Variants in MAGI2 observed in about 807,000 individuals in gnomAD.
MAGI2 encodes the protein membrane-associated guanylate kinase, WW and PDZ domain-containing protein 2.
Under a neutral mutation model 133.3 loss-of-function variants are expected in MAGI2, and 35 were observed. That is an observed-to-expected ratio of 0.26 (90% CI 0.20 to 0.35). MAGI2 has a LOEUF of 0.35. MAGI2 is among the 10% of genes least tolerant of loss of function. The probability of loss-of-function intolerance (pLI) is 1.00; values close to 1 mark genes in which losing one functional copy is unlikely to be tolerated. For synonymous variants in MAGI2, 729 were observed against 710.6 expected, an observed-to-expected ratio of 1.03 and a Z score of -0.41; for missense variants, 1,636 against 1,863.4, an observed-to-expected ratio of 0.88 and a Z score of 2.25.
At chr7:78,639,012 G>T (rs1181440044) in intron 2 of MAGI2, among the ~76,000 whole-genome samples, 2 of 151,972 alleles carry the variant, frequency 1.3e-5, no homozygotes. Context: ...AATTAATCTG[G>T]GCCAGAACTA....
intron 1 of MAGI2, among the ~76,000 whole-genome samples, chr7:79,371,750 G>A (rs927855744): frequency 6.6e-6 from 1 of 151,966 alleles, no homozygotes; most frequent in Admixed American, 6.6e-5. Flanking sequence ...GCCTGTATTC[G>A]TTTTTAGAAT....
At chr7:78,277,376 G>A (rs183589379) in intron 9 of MAGI2, among the ~76,000 whole-genome samples, 12 of 152,140 alleles carry the variant, frequency 7.9e-5, no homozygotes, top group East Asian at 3.9e-4. Flanking sequence ...TTGGAATAAC[G>A]TAGAAAATAA....
intron 2 of MAGI2, among the ~76,000 whole-genome samples, chr7:78,793,123 T>G (rs926354363): frequency 6.6e-6 from 1 of 152,218 alleles, no homozygotes; most frequent in Admixed American, 6.5e-5. Context: ...ACATCCTTTC[T>G]TTTTCCCTTT....
At chr7:78,596,844 G>A (rs1053483499) in intron 3 of MAGI2, among the ~76,000 whole-genome samples, 1 of 152,182 alleles carries the variant, frequency 6.6e-6, no homozygotes, top group African/African-American at 2.4e-5. Flanking sequence ...ACAGTACTCA[G>A]CTGAGGCATC....
At chr7:78,426,802 A>T (rs1799323700) in intron 6 of MAGI2, among the ~76,000 whole-genome samples, 1 of 152,182 alleles carries the variant, frequency 6.6e-6, no homozygotes, top group Non-Finnish European at 1.5e-5. Context: ...GGATTAATAT[A>T]AAGAAAATCT....
rs568306545 is a variant in MAGI2, at chr7:78,159,517, T to C, written c.2845+508A>G. Among the ~76,000 whole-genome samples, 3 of 152,304 alleles carry C rather than the reference T, an allele frequency of 2.0e-5. No homozygotes were observed. In the East Asian group the frequency reaches 5.8e-4, roughly 29 times the overall value. The stretch of plus-strand genomic sequence containing the variant: ...CAGCACTGTCTGCCTCCTGCCACTC[T>C]CCCTTGCTCCCCGTACTACAGCTGC... On this transcript the variant is annotated intron_variant, in intron 16 of 21. Transcript: ENST00000354212.
chr7:79,432,300 G>A (rs1461734960), intron 1 of MAGI2, among the ~76,000 whole-genome samples: 1 of 152,188 alleles, frequency 6.6e-6, no homozygotes, highest in African/African-American at 2.4e-5. Flanking sequence ...ATGCACAGAA[G>A]TGGTCATTTA....
chr7:78,752,634 A>T (rs12113058), intron 2 of MAGI2, among the ~76,000 whole-genome samples: 6,372 of 152,254 alleles, frequency 0.042, 418 homozygotes, highest in African/African-American at 0.14. Context: ...AGTCACAGAA[A>T]GACCCTGTCT....
chr7:78,582,499 A>G (rs1415999899), intron 3 of MAGI2, among the ~76,000 whole-genome samples: 1 of 152,212 alleles, frequency 6.6e-6, no homozygotes, highest in Admixed American at 6.5e-5. Context: ...GGCCTAAGTC[A>G]TAGCAATTTG....
chr7:78,659,240 G>A (rs1812648007), intron 2 of MAGI2, among the ~76,000 whole-genome samples: 1 of 151,772 alleles, frequency 6.6e-6, no homozygotes, highest in African/African-American at 2.4e-5. Context: ...CACGAGGTCA[G>A]GAGATTGAGA....
intron 1 of MAGI2, among the ~76,000 whole-genome samples, chr7:79,391,421 T>C (rs1221089559): frequency 1.3e-5 from 2 of 149,970 alleles, no homozygotes; most frequent in Non-Finnish European, 3.0e-5. Flanking sequence ...TTAGGATTGT[T>C]GTAAAAATCT....
intron 8 of MAGI2, chr7:78,345,705 A>G (rs1197013263): frequency 6.9e-6 from 4 of 579,646 alleles, no homozygotes; most frequent in East Asian, 3.0e-5. Flanking sequence ...CATGCTGTAC[A>G]TTCCTATAAA....
Position 78,573,368 on chromosome 7 carries a change from AT to A in MAGI2, c.539-51724del, listed in dbSNP as rs1801915059. Reference sequence around the variant, plus strand: ...TATAGAGAGAGAGAATCCTGGAAATATATATATATATATATATATATATATA... The same window carrying A: ...TATAGAGAGAGAGAATCCTGGAAATAATATATATATATATATATATATATA... On this transcript the variant is annotated intron_variant, in intron 3 of 21. Transcript: ENST00000354212. Among the ~76,000 whole-genome samples, 15 of 8,684 alleles carry A rather than the reference AT, an allele frequency of 1.7e-3. 1 individual carries two copies. Among genetic ancestry groups the A allele is most frequent in the Non-Finnish European group, 2.7e-3 (14 of 5,130 alleles). 5.7% of individuals were successfully genotyped at this position (8,684 alleles called of 152,430 possible). A position where few individuals can be genotyped will look rare whatever the true frequency, so the allele number is the denominator to read the frequency against.
intron 2 of MAGI2, among the ~76,000 whole-genome samples, chr7:78,964,894 C>A (rs988008230): frequency 6.6e-6 from 1 of 151,918 alleles, no homozygotes; most frequent in African/African-American, 2.4e-5. Context: ...TACAGTCTCT[C>A]AAGTCTTCAG....
chr7:78,505,452 G>C (rs773171549), intron 4 of MAGI2, among the ~76,000 whole-genome samples: 6 of 152,078 alleles, frequency 3.9e-5, no homozygotes, highest in Non-Finnish European at 7.4e-5. Context: ...AGTAAAAACA[G>C]GTACCACTGC....
chr7:79,344,061 T>G (rs567121197), intron 1 of MAGI2, among the ~76,000 whole-genome samples: 32 of 152,290 alleles, frequency 2.1e-4, no homozygotes, highest in Admixed American at 5.9e-4. Context: ...AAGTGAGAAC[T>G]GGATAAACTA....
chr7:78,792,114 A>T (rs2151372014), intron 2 of MAGI2, among the ~76,000 whole-genome samples: 1 of 152,258 alleles, frequency 6.6e-6, no homozygotes, highest in South Asian at 2.1e-4. Flanking sequence ...CTAGTAAGAG[A>T]CATTAGAGAA....
At chr7:78,084,940 T>G (rs188585903) in intron 20 of MAGI2, among the ~76,000 whole-genome samples, 137 of 152,352 alleles carry the variant, frequency 9.0e-4, no homozygotes, top group African/African-American at 3.2e-3. Flanking sequence ...TTACACTGAA[T>G]GTTTTCATTA....
At chr7:78,717,023 CCT>C (rs1376637658) in intron 2 of MAGI2, among the ~76,000 whole-genome samples, 7 of 152,130 alleles carry the variant, frequency 4.6e-5, no homozygotes, top group Admixed American at 4.6e-4. Flanking sequence ...AGGCCTAACC[CCT>C]AACCCAGTGA....
Sources: allele counts gnomAD v4.1 joint callset (sites outside exome capture counted in the v4.1 genomes callset), GRCh38; gene constraint gnomAD v4.1.1; transcripts MANE v1.5; gene names NCBI Gene and HGNC (gene_info 2026-07-23, HGNC 2026-07-21).